Variants in BRD10 observed in about 807,000 individuals in gnomAD.
The protein encoded by BRD10 is bromodomain containing 10, also known as uncharacterized bromodomain-containing protein 10.
At chr9:5,901,348 G>C in the BRD10 span, among the ~76,000 whole-genome samples, 2 of 152,048 alleles carry the variant, frequency 1.3e-5, no homozygotes, top group African/African-American at 4.8e-5. Flanking sequence ...TTGATTTTTT[G>C]TACCTAGATA....
the BRD10 span, among the ~76,000 whole-genome samples, chr9:5,893,931 C>T: frequency 7.4e-6 from 1 of 135,044 alleles, no homozygotes; most frequent in African/African-American, 2.7e-5. Flanking sequence ...TGGCACCCAC[C>T]CTGGTGGGTA....
At chr9:5,901,287 C>G in the BRD10 span, among the ~76,000 whole-genome samples, 1 of 152,148 alleles carries the variant, frequency 6.6e-6, no homozygotes, top group Non-Finnish European at 1.5e-5. Context: ...ACAGGACATC[C>G]TTGCCTTGTT....
the BRD10 span, among the ~76,000 whole-genome samples, chr9:5,980,641 TA>T: frequency 6.6e-6 from 1 of 151,716 alleles, no homozygotes; most frequent in Non-Finnish European, 1.5e-5. Flanking sequence ...AGGGTTGGTT[TA>T]AAAAAAACTT....
At chr9:5,977,265 C>T in the BRD10 span, among the ~76,000 whole-genome samples, 1 of 152,128 alleles carries the variant, frequency 6.6e-6, no homozygotes, top group Non-Finnish European at 1.5e-5. Flanking sequence ...TGCTGCTGTT[C>T]CTCATACACT....
chr9:5,891,738 G>T, the BRD10 span, among the ~76,000 whole-genome samples: 1 of 152,210 alleles, frequency 6.6e-6, no homozygotes, highest in African/African-American at 2.4e-5. Context: ...CCTAGCCAAG[G>T]GACTTGAACC....
At chr9:5,994,988 C>A in the BRD10 span, among the ~76,000 whole-genome samples, 85 of 152,020 alleles carry the variant, frequency 5.6e-4, 2 homozygotes, top group South Asian at 0.018. Context: ...CAACCTCCGC[C>A]TCCCTGGTTC....
At chr9:5,951,913 G>C in the BRD10 span, among the ~76,000 whole-genome samples, 8 of 152,030 alleles carry the variant, frequency 5.3e-5, no homozygotes, top group African/African-American at 1.9e-4. Flanking sequence ...GTTTTCATGA[G>C]ACTATTACTC....
At chr9:5,942,256 G>C in the BRD10 span, among the ~76,000 whole-genome samples, 1 of 152,060 alleles carries the variant, frequency 6.6e-6, no homozygotes, top group Non-Finnish European at 1.5e-5. Flanking sequence ...AAGTCATAAA[G>C]AAAAGGTTAA....
chr9:5,990,524 T>C, the BRD10 span, among the ~76,000 whole-genome samples: 2 of 152,328 alleles, frequency 1.3e-5, no homozygotes, highest in East Asian at 3.9e-4. Context: ...TTAATTTCAG[T>C]TTTATAAGTA....
the BRD10 span, among the ~76,000 whole-genome samples, chr9:5,980,223 T>C: frequency 6.6e-6 from 1 of 152,126 alleles, no homozygotes; most frequent in South Asian, 2.1e-4. Flanking sequence ...TTTCTCAGAC[T>C]TTCACTTAGA....
At chr9:5,934,735 C>G in the BRD10 span, among the ~76,000 whole-genome samples, 3 of 152,058 alleles carry the variant, frequency 2.0e-5, no homozygotes, top group East Asian at 5.8e-4. Flanking sequence ...AAAAAGAAGT[C>G]TTATTTAAGG....
At chr9:5,887,651 C>G in the BRD10 span, among the ~76,000 whole-genome samples, 5 of 152,124 alleles carry the variant, frequency 3.3e-5, no homozygotes, top group East Asian at 9.6e-4. Flanking sequence ...CAGGCATAAC[C>G]CTGAAATTCA....
chr9:5,981,465 A>C, the BRD10 span, among the ~76,000 whole-genome samples: 1 of 152,240 alleles, frequency 6.6e-6, no homozygotes, highest in African/African-American at 2.4e-5. Flanking sequence ...GAGGAGAGAC[A>C]CTGATACCAA....
chr9:5,915,665 C>G, the BRD10 span, among the ~76,000 whole-genome samples: 1 of 152,170 alleles, frequency 6.6e-6, no homozygotes, highest in Non-Finnish European at 1.5e-5. Flanking sequence ...AGCACAAATG[C>G]CACCTCTTAC....
the BRD10 span, among the ~76,000 whole-genome samples, chr9:5,956,160 T>C: frequency 1.4e-3 from 209 of 152,290 alleles, no homozygotes; most frequent in Middle Eastern, 3.4e-3. Context: ...TATTCATTTA[T>C]AAGCACAACA....
chr9:5,958,636 G>C, the BRD10 span, among the ~76,000 whole-genome samples: 1 of 152,090 alleles, frequency 6.6e-6, no homozygotes, highest in Non-Finnish European at 1.5e-5. Context: ...AGGGATAGGA[G>C]GAAGAAAAAG....
the BRD10 span, chr9:5,920,239 A>G: frequency 9.3e-6 from 15 of 1,613,892 alleles, no homozygotes; most frequent in Non-Finnish European, 1.1e-5. Context: ...AGGGGGCTCC[A>G]TATTTTGGAT....
chr9:5,923,040 C>G, the BRD10 span: 17 of 1,613,986 alleles, frequency 1.1e-5, no homozygotes, highest in East Asian at 3.1e-4. Context: ...GCAAATGACT[C>G]TGGAAATGAT....
chr9:5,907,381 C>G, the BRD10 span, among the ~76,000 whole-genome samples: 2 of 152,068 alleles, frequency 1.3e-5, no homozygotes, highest in Non-Finnish European at 2.9e-5. Flanking sequence ...GGATAAAGTA[C>G]CTATTATTTA....
Sources: allele counts gnomAD v4.1 joint callset (sites outside exome capture counted in the v4.1 genomes callset), GRCh38; gene constraint gnomAD v4.1.1; transcripts MANE v1.5; gene names NCBI Gene and HGNC (gene_info 2026-07-23, HGNC 2026-07-21).